CHIC2: variants seen among roughly 807,000 people sequenced by gnomAD.
CHIC2 encodes cysteine rich hydrophobic domain 2.
CHIC2 carries 14 observed loss-of-function variants against 25.9 expected under a neutral mutation model. The observed-to-expected ratio is 0.54, with a 90% CI of 0.36 to 0.85. The LOEUF (loss-of-function observed/expected upper bound fraction) is 0.85, where lower values mean the gene tolerates loss of function less well. CHIC2 is among the 40% of genes least tolerant of loss of function. The probability of loss-of-function intolerance (pLI) is 0.01; values close to 1 mark genes in which losing one functional copy is unlikely to be tolerated. For synonymous variants in CHIC2, 70 were observed against 72.0 expected (o/e 0.97, Z 0.14); for missense variants, 146 against 202.0 (o/e 0.72, Z 1.68).
At position 54,064,147 on chromosome 4, in the gene CHIC2, C is replaced by T; in HGVS notation, c.119+35G>A. ...TGGAGTAACGGGGCCCACCCCAGCC[C>T]GCACCTCCCGCCCTCGCCCTCCTCC... On this transcript the variant is annotated intron_variant, in intron 1 of 5. Transcript: ENST00000263921. This position sits in a 1 kb window ranked among gnomAD's most constrained non-coding sequence, Gnocchi z 4.2. 3 of 1,566,436 alleles carry T rather than the reference C, an allele frequency of 1.9e-6. No homozygotes were observed. Among genetic ancestry groups the T allele is most frequent in the Non-Finnish European group, 2.6e-6 (3 of 1,150,812 alleles).
chr4:54,014,711 A>G (rs2110059363), intron 3 of CHIC2, among the ~76,000 whole-genome samples: 1 of 152,322 alleles, frequency 6.6e-6, no homozygotes, highest in South Asian at 2.1e-4. Context: ...TAGTAAAATC[A>G]AACTCTTAAT....
At chr4:54,043,802 A>G (rs1716674889) in intron 3 of CHIC2, among the ~76,000 whole-genome samples, 1 of 152,194 alleles carries the variant, frequency 6.6e-6, no homozygotes, top group Admixed American at 6.5e-5. Context: ...CACACATAAC[A>G]ATAATAACCT....
chr4:54,062,185 T>C (rs1256789129), intron 1 of CHIC2, among the ~76,000 whole-genome samples: 9 of 152,082 alleles, frequency 5.9e-5, no homozygotes, highest in Non-Finnish European at 1.2e-4. Flanking sequence ...CCAAGATAAA[T>C]GGGAGAAGAA....
chr4:54,039,820 T>G (rs1401853182), intron 3 of CHIC2, among the ~76,000 whole-genome samples: 1 of 152,144 alleles, frequency 6.6e-6, no homozygotes. Context: ...ATAAACAAAC[T>G]GTGATACATC....
At position 54,064,476 on chromosome 4, in the gene CHIC2, T is replaced by TCGCCGCCACCGC. The variant is rs1342962815; in HGVS notation, c.-188_-177dup. On this transcript the variant is annotated 5_prime_UTR_variant, in exon 1 of 6. Transcript: ENST00000263921. This position sits in a 1 kb window ranked among gnomAD's most constrained non-coding sequence, Gnocchi z 4.2. ...TACAGAGGGGATGGGGTCTGGACCG[T>TCGCCGCCACCGC]CGCCGCCACCGCCGCCGCCATTACC... is the stretch of plus-strand genomic sequence containing the variant. 6.9e-6 allele frequency: 10 copies of TCGCCGCCACCGC among 1,450,030 alleles called. No individual in the cohort carries two copies. The highest frequency in any genetic ancestry group is 9.0e-7 in the Non-Finnish European group (1 of 1,109,728). 89.8% of individuals were successfully genotyped at this position (1,450,030 alleles called of 1,614,324 possible).
At chr4:54,047,415 G>A (rs372031292) in intron 3 of CHIC2, among the ~76,000 whole-genome samples, 4 of 151,776 alleles carry the variant, frequency 2.6e-5, no homozygotes, top group South Asian at 2.1e-4. Context: ...TCCAACAATG[G>A]TAGACTGGAT....
chr4:54,031,905 C>T (rs539542680), intron 3 of CHIC2, among the ~76,000 whole-genome samples: 12 of 152,086 alleles, frequency 7.9e-5, no homozygotes, highest in Admixed American at 7.9e-4. Flanking sequence ...CAGGAGTGAG[C>T]CACAGTGCCC....
At chr4:54,024,055 A>G (rs1715986156) in intron 3 of CHIC2, among the ~76,000 whole-genome samples, 1 of 152,194 alleles carries the variant, frequency 6.6e-6, no homozygotes, top group African/African-American at 2.4e-5. Flanking sequence ...TAGCGTTCCA[A>G]CTTCTGCCCC....
chr4:54,026,982 G>A (rs1337759739), intron 3 of CHIC2, among the ~76,000 whole-genome samples: 1 of 152,088 alleles, frequency 6.6e-6, no homozygotes, highest in Non-Finnish European at 1.5e-5. Context: ...ACATATGTAT[G>A]ACATGCAAGT....
At chr4:54,052,019 T>C (rs1180902922) in intron 1 of CHIC2, among the ~76,000 whole-genome samples, 1 of 152,208 alleles carries the variant, frequency 6.6e-6, no homozygotes, top group Non-Finnish European at 1.5e-5. Flanking sequence ...TCTTCTTTCA[T>C]ATAGCATGCT....
the CHIC2 span, chr4:54,086,956 C>T: frequency 1.4e-6 from 1 of 722,792 alleles, no homozygotes; most frequent in Non-Finnish European, 2.5e-6. Context: ...TTCTCAATCT[C>T]ATGGACAACA....
chr4:54,049,196 C>G, intron 2 of CHIC2, 55 bp downstream of exon 2: 3 of 1,557,944 alleles, frequency 1.9e-6, no homozygotes, highest in Non-Finnish European at 2.6e-6. Flanking sequence ...CTAATTTTCT[C>G]AGAAAAAAAC....
rs75379682 is a variant in CHIC2, at chr4:54,054,878, T to G, written c.120-5573A>C. ...AAGATGTAGTAAAGCCATCGATAAT[T>G]AGAAATCAAAATAAACTGAAGCCAA... is the stretch of plus-strand genomic sequence containing the variant. On this transcript the variant is annotated intron_variant, in intron 1 of 5. Coordinates refer to ENST00000263921, the MANE Select transcript of CHIC2 (RefSeq NM_012110.4). Among the ~76,000 whole-genome samples, 759 of 152,180 alleles carry G rather than the reference T, an allele frequency of 5.0e-3. 8 individuals are homozygous for G. The highest frequency in any genetic ancestry group is 0.017 in the African/African-American group (719 of 41,520).
At chr4:54,078,029 A>T in the CHIC2 span, among the ~76,000 whole-genome samples, 2 of 152,290 alleles carry the variant, frequency 1.3e-5, no homozygotes, top group Non-Finnish European at 1.5e-5. Context: ...CTAAGTCAAA[A>T]TTTTTTTGAT....
At chr4:54,076,146 AG>A in the CHIC2 span, among the ~76,000 whole-genome samples, 1 of 152,036 alleles carries the variant, frequency 6.6e-6, no homozygotes, top group East Asian at 1.9e-4. Context: ...TAAATTAGGT[AG>A]GCGTGGTAAG....
At chr4:54,034,870 G>C (rs1052167697) in intron 3 of CHIC2, among the ~76,000 whole-genome samples, 4 of 152,138 alleles carry the variant, frequency 2.6e-5, no homozygotes, top group Admixed American at 2.0e-4. Flanking sequence ...GTTAATTGTA[G>C]GGTTTTTGTA....
At chr4:54,023,712 C>A (rs185621426) in intron 3 of CHIC2, among the ~76,000 whole-genome samples, 1 of 152,296 alleles carries the variant, frequency 6.6e-6, no homozygotes, top group Admixed American at 6.5e-5. Flanking sequence ...TTGAGGCTAC[C>A]GCTCTGCCCC....
At chr4:54,015,706 C>T (rs1715718170) in intron 3 of CHIC2, among the ~76,000 whole-genome samples, 1 of 152,138 alleles carries the variant, frequency 6.6e-6, no homozygotes, top group African/African-American at 2.4e-5. Flanking sequence ...TAGCACAATG[C>T]AACTTCCAAT....
the CHIC2 span, among the ~76,000 whole-genome samples, chr4:54,085,957 A>C: frequency 7.2e-4 from 109 of 152,198 alleles, no homozygotes; most frequent in African/African-American, 2.3e-3. Context: ...TAAAAAAAAA[A>C]CAAAAAGTCC....
Sources: gnomAD v4.1 joint callset for allele counts (sites outside exome capture counted in the v4.1 genomes callset) on GRCh38, gnomAD v4.1.1 for gene constraint, Gnocchi (gnomAD v3.1) non-coding constraint, MANE v1.5 for transcripts, NCBI Gene and HGNC (gene_info 2026-07-23, HGNC 2026-07-21) for gene names.